Variants in PRLR observed in about 807,000 individuals in gnomAD.
The protein encoded by PRLR is hPRL receptor.
A neutral mutation model predicts 40.2 loss-of-function variants in PRLR; 13 were observed. The ratio of observed to expected loss-of-function variants is 0.32; its 90% CI spans 0.21 to 0.51. The LOEUF (loss-of-function observed/expected upper bound fraction) is 0.51. Among genes scored for constraint, PRLR ranks in the 20% least tolerant of loss-of-function variants. The pLI is 0.97. For synonymous variants in PRLR, 269 were observed against 278.7 expected, an observed-to-expected ratio of 0.97 and a Z score of 0.35; for missense variants, 656 against 747.3, an observed-to-expected ratio of 0.88 and a Z score of 1.42.
chr5:35,133,487 C>T (rs911819807), intron 1 of PRLR, among the ~76,000 whole-genome samples: 1 of 152,112 alleles, frequency 6.6e-6, no homozygotes, highest in East Asian at 1.9e-4. Flanking sequence ...AATGGAGATG[C>T]CATAGACTTT....
At chr5:35,153,232 C>T (rs577939747) in intron 1 of PRLR, among the ~76,000 whole-genome samples, 3 of 152,254 alleles carry the variant, frequency 2.0e-5, no homozygotes, top group Admixed American at 2.0e-4. Context: ...ATTAAATAAT[C>T]TTTGGATTAC....
intron 2 of PRLR, 99 bp from the exon 3 acceptor site, chr5:35,089,762 G>T (rs932896580): frequency 7.2e-6 from 5 of 698,004 alleles, no homozygotes; most frequent in African/African-American, 7.1e-5. Flanking sequence ...GTTGCTCCTT[G>T]CTTAATGTGA....
At chr5:35,207,741 T>C (rs970609537) in intron 1 of PRLR, among the ~76,000 whole-genome samples, 2 of 152,086 alleles carry the variant, frequency 1.3e-5, no homozygotes, top group African/African-American at 4.8e-5. Context: ...GAAACACACA[T>C]ACACATATAT....
intron 4 of PRLR, among the ~76,000 whole-genome samples, chr5:35,084,902 C>G (rs1770748554): frequency 1.3e-5 from 2 of 151,936 alleles, no homozygotes. Context: ...TTCTTGTGGG[C>G]TCGGGGACCT....
intron 1 of PRLR, among the ~76,000 whole-genome samples, chr5:35,185,321 T>C (rs1432168605): frequency 6.6e-6 from 1 of 152,216 alleles, no homozygotes; most frequent in Non-Finnish European, 1.5e-5. Context: ...GAAATTCTCT[T>C]TATTCCACAA....
At chr5:35,126,551 A>G (rs1432255970) in intron 1 of PRLR, among the ~76,000 whole-genome samples, 3 of 152,106 alleles carry the variant, frequency 2.0e-5, no homozygotes, top group Admixed American at 1.3e-4. Context: ...TTCATTACAT[A>G]TAGGCAGCAT....
intron 5 of PRLR, among the ~76,000 whole-genome samples, chr5:35,083,420 A>ATCTCTC (rs374463454): frequency 1.4e-5 from 2 of 143,072 alleles, no homozygotes; most frequent in Non-Finnish European, 3.0e-5. Context: ...GAGGTGATAA[A>ATCTCTC]TCTCTCTCTC....
intron 1 of PRLR, among the ~76,000 whole-genome samples, chr5:35,181,517 A>G (rs778942163): frequency 2.6e-5 from 4 of 152,216 alleles, no homozygotes. Context: ...CACTCAGACT[A>G]CGTTATTCTT....
rs116318271 is a variant in PRLR at position 35,120,926 on chromosome 5, C to T, written c.-105-2804G>A. Among the ~76,000 whole-genome samples, 765 of 152,220 alleles carry T rather than the reference C, an allele frequency of 5.0e-3. 5 individuals are homozygous for T. Among genetic ancestry groups the T allele is most frequent in the African/African-American group, 0.016 (657 of 41,534 alleles). On this transcript the variant is annotated intron_variant, in intron 1 of 9. Coordinates refer to ENST00000618457, the MANE Select transcript of PRLR (RefSeq NM_000949.7). ...TCTGTTACTGTAGTACAAAAGCAGC[C>T]GTAGACAACATGTACATGAATAAGC...
At chr5:35,216,089 T>A (rs939687427) in intron 1 of PRLR, among the ~76,000 whole-genome samples, 1 of 151,724 alleles carries the variant, frequency 6.6e-6, no homozygotes, top group Non-Finnish European at 1.5e-5. Flanking sequence ...GTAAGAACTC[T>A]GGAACTGAGG....
At chr5:35,140,903 G>A (rs563202104) in intron 1 of PRLR, among the ~76,000 whole-genome samples, 1 of 151,992 alleles carries the variant, frequency 6.6e-6, no homozygotes, top group South Asian at 2.1e-4. Context: ...GTATATTAAT[G>A]TACCCAACTG....
At position 35,084,584 on chromosome 5, in the gene PRLR, G is replaced by C; in HGVS notation, c.259C>G (p.His87Asp). The C allele has an allele frequency of 6.2e-7, 1 of 1,610,404 alleles. No homozygotes were observed. The highest frequency in any genetic ancestry group is 1.3e-5 in the African/African-American group (1 of 74,828). ...DYITGGPNSC[H>D]FGKQYTSMWR... ...ATGGAGGTGTACTGCTTGCCAAAGT[G>C]GCAGGAGTTGGGGCCACCGGTTATG... Residue 87 changes from histidine to aspartate, a missense_variant, in exon 5 of 10, where the codon CAC becomes GAC. His to Asp is a moderately conservative substitution (Grantham distance 81, BLOSUM62 -1). Coordinates refer to ENST00000618457, the MANE Select transcript of PRLR (RefSeq NM_000949.7).
intron 9 of PRLR, 137 bp downstream of exon 9, chr5:35,068,079 A>T: frequency 2.7e-6 from 2 of 749,126 alleles, no homozygotes; most frequent in South Asian, 3.2e-5. Context: ...GTTAACACAC[A>T]TGCTGACCAG....
chr5:35,068,964 A>T lies in PRLR; in HGVS notation c.686-86T>A. 3 of 978,848 alleles carry T rather than the reference A, an allele frequency of 3.1e-6. No individual in the cohort carries two copies. The South Asian group carries it at 4.7e-5, about 15-fold the overall frequency. 60.6% of individuals were successfully genotyped at this position (978,848 alleles called of 1,614,324 possible). A position where few individuals can be genotyped will look rare whatever the true frequency, so the allele number is the denominator to read the frequency against. ...CTAATGAATGAAACTCTTAAACCCA[A>T]GAGTGTTTTCCTCCATTCATATATT... On this transcript the variant is annotated intron_variant, in intron 7 of 9. Coordinates refer to ENST00000618457, the MANE Select transcript of PRLR (RefSeq NM_000949.7).
chr5:35,213,009 C>T (rs902647066), intron 1 of PRLR, among the ~76,000 whole-genome samples: 2 of 152,192 alleles, frequency 1.3e-5, no homozygotes, highest in African/African-American at 4.8e-5. Context: ...CAGCTGCCTG[C>T]TTACACAGAA....
intron 2 of PRLR, among the ~76,000 whole-genome samples, chr5:35,105,756 T>C (rs1291183162): frequency 6.6e-6 from 1 of 152,214 alleles, no homozygotes; most frequent in Non-Finnish European, 1.5e-5. Flanking sequence ...CTGATTGGTG[T>C]ACCTGAAAGT....
At chr5:35,103,464 C>A (rs1772028232) in intron 2 of PRLR, among the ~76,000 whole-genome samples, 1 of 152,112 alleles carries the variant, frequency 6.6e-6, no homozygotes, top group African/African-American at 2.4e-5. Flanking sequence ...TGGCAGATCC[C>A]AGTAAATCTT....
At chr5:35,095,342 T>C (rs952972822) in intron 2 of PRLR, among the ~76,000 whole-genome samples, 1 of 152,134 alleles carries the variant, frequency 6.6e-6, no homozygotes, top group African/African-American at 2.4e-5. Flanking sequence ...AAAAAGATTC[T>C]AAGACATGGG....
intron 2 of PRLR, among the ~76,000 whole-genome samples, chr5:35,092,837 A>G (rs16871743): frequency 0.023 from 3,535 of 152,214 alleles, 142 homozygotes; most frequent in African/African-American, 0.081. Flanking sequence ...GAGCAGGTTT[A>G]TAGCAAGTTT....
Sources: gnomAD v4.1 joint callset for allele counts (sites outside exome capture counted in the v4.1 genomes callset) on GRCh38, gnomAD v4.1.1 for gene constraint, MANE v1.5 for transcripts, NCBI Gene and HGNC (gene_info 2026-07-23, HGNC 2026-07-21) for gene names.